The following CRYBG3 variants were observed in gnomAD, a reference collection of about 807,000 sequenced individuals.
The protein encoded by CRYBG3 is crystallin beta-gamma domain containing 3, also known as very large A-kinase anchor protein.
Under a neutral mutation model 244.2 loss-of-function variants are expected in CRYBG3, and 127 were observed. The ratio of observed to expected loss-of-function variants is 0.52; its 90% CI spans 0.45 to 0.60. The LOEUF (loss-of-function observed/expected upper bound fraction) is 0.60. CRYBG3 is among the 20% of genes least tolerant of loss of function. The pLI is 0.00. For synonymous variants in CRYBG3, 1,132 were observed against 1,195.8 expected (o/e 0.95, Z 1.10); for missense variants, 3,325 against 3,442.5 (o/e 0.97, Z 0.85).
chr3:97,828,597 CG>C (rs1202231499), intron 1 of CRYBG3, among the ~76,000 whole-genome samples: 1 of 150,188 alleles, frequency 6.7e-6, no homozygotes, highest in Non-Finnish European at 1.5e-5. Flanking sequence ...GAGGCCAAGG[CG>C]GGTGGATCAC....
intron 10 of CRYBG3, among the ~76,000 whole-genome samples, chr3:97,892,482 T>G (rs1393566868): frequency 6.6e-6 from 1 of 152,178 alleles, no homozygotes; most frequent in African/African-American, 2.4e-5. Context: ...CATAAACGTT[T>G]TGTAAATCAT....
chr3:97,896,001 T>C lies in CRYBG3; in HGVS notation c.7617T>C (p.Phe2539=). The change falls in exon 12 of 22, where the codon TTT becomes TTC. Residue 2539 remains phenylalanine, a synonymous_variant. Coordinates refer to ENST00000389622, the MANE Select transcript of CRYBG3 (RefSeq NM_153605.4). ...AAGAACATTTTAAAGGCCAGCAGTT[T>C]CTGCTTGAAGAAGGAGACTTTGAAG... The part of the protein sequence containing the change: ...YEKEHFKGQQ[F]LLEEGDFEDS... The C allele has an allele frequency of 6.2e-7, 1 of 1,613,700 alleles. No individual in the cohort carries two copies.
chr3:97,923,448 A>G (rs1453172480), intron 17 of CRYBG3, among the ~76,000 whole-genome samples: 1 of 152,150 alleles, frequency 6.6e-6, no homozygotes, highest in Non-Finnish European at 1.5e-5. Flanking sequence ...ATGCAGGCCA[A>G]CAAAAACTTA....
chr3:97,943,018 T>G (rs1559751981), intron 21 of CRYBG3: 2 of 537,774 alleles, frequency 3.7e-6, no homozygotes, highest in South Asian at 4.7e-5. Context: ...ATTATACCTT[T>G]TAGTATTTCA....
chr3:97,900,680 A>C (rs2039696906), intron 15 of CRYBG3, among the ~76,000 whole-genome samples, 195 bp downstream of exon 15: 1 of 152,176 alleles, frequency 6.6e-6, no homozygotes, highest in Non-Finnish European at 1.5e-5. Flanking sequence ...GGTTTGTCAC[A>C]CTTCCTTTTG....
intron 14 of CRYBG3, among the ~76,000 whole-genome samples, chr3:97,899,562 G>C (rs539993515): frequency 6.6e-6 from 1 of 152,274 alleles, no homozygotes; most frequent in East Asian, 1.9e-4. Context: ...TGTCCTGATG[G>C]TTCTGTCTCC....
chr3:97,856,369 T>C (rs915560090), intron 2 of CRYBG3, among the ~76,000 whole-genome samples: 1 of 152,112 alleles, frequency 6.6e-6, no homozygotes, highest in African/African-American at 2.4e-5. Context: ...GTTAATGCAA[T>C]TATCACATGA....
At chr3:97,848,458 C>A (rs929002987) in intron 2 of CRYBG3, among the ~76,000 whole-genome samples, 1 of 151,970 alleles carries the variant, frequency 6.6e-6, no homozygotes, top group Non-Finnish European at 1.5e-5. Context: ...CGTGCCACCA[C>A]TCTCGGCTAA....
chr3:97,891,206 G>A (rs1038121607), intron 10 of CRYBG3, among the ~76,000 whole-genome samples: 2 of 152,028 alleles, frequency 1.3e-5, no homozygotes, highest in African/African-American at 4.8e-5. Flanking sequence ...GTAAGTAGAA[G>A]GAAGGTCTAT....
At chr3:97,894,550 C>T (rs2039619039) in intron 11 of CRYBG3, among the ~76,000 whole-genome samples, 1 of 151,982 alleles carries the variant, frequency 6.6e-6, no homozygotes, top group South Asian at 2.1e-4. Context: ...TCAGATAATA[C>T]CTATCTTTAA....
intron 1 of CRYBG3, among the ~76,000 whole-genome samples, chr3:97,839,236 G>C (rs757759943): frequency 6.6e-6 from 1 of 151,986 alleles, no homozygotes; most frequent in Non-Finnish European, 1.5e-5. Flanking sequence ...GGTGAACATG[G>C]TTCTCTTTCC....
chr3:97,887,811 T>C (rs1260242343), intron 8 of CRYBG3, among the ~76,000 whole-genome samples: 1 of 152,064 alleles, frequency 6.6e-6, no homozygotes, highest in African/African-American at 2.4e-5. Context: ...GGCCAGTAAT[T>C]GGCTGTGTCC....
At chr3:97,892,643 G>A (rs1480777998) in intron 10 of CRYBG3, among the ~76,000 whole-genome samples, 1 of 152,014 alleles carries the variant, frequency 6.6e-6, no homozygotes, top group Non-Finnish European at 1.5e-5. Flanking sequence ...CTTTTCAGAT[G>A]TGTTATAACA....
chr3:97,912,975 A>T (rs1047539958), intron 16 of CRYBG3, among the ~76,000 whole-genome samples: 8 of 152,190 alleles, frequency 5.3e-5, no homozygotes, highest in Admixed American at 5.2e-4. Context: ...CTAATAACCT[A>T]TCAAAGTCTC....
intron 3 of CRYBG3, among the ~76,000 whole-genome samples, chr3:97,865,884 T>A (rs1418906169): frequency 1.3e-5 from 2 of 152,188 alleles, no homozygotes; most frequent in South Asian, 2.1e-4. Flanking sequence ...TAGATTAAAA[T>A]TTATTCCCAA....
chr3:97,921,751 C>T (rs1405092134), intron 17 of CRYBG3, among the ~76,000 whole-genome samples: 2 of 152,112 alleles, frequency 1.3e-5, no homozygotes, highest in Admixed American at 6.5e-5. Context: ...GTTGATTGAT[C>T]TAAGGTGGAG....
chr3:97,926,610 G>GA (rs879823749), intron 17 of CRYBG3, among the ~76,000 whole-genome samples: 6 of 151,594 alleles, frequency 4.0e-5, no homozygotes, highest in African/African-American at 7.3e-5. Flanking sequence ...CATCCAAATA[G>GA]AAAAAAAGGG....
intron 15 of CRYBG3, among the ~76,000 whole-genome samples, chr3:97,904,410 G>A (rs771973675): frequency 9.2e-5 from 14 of 152,092 alleles, no homozygotes; most frequent in South Asian, 4.1e-4. Flanking sequence ...TTATTTCTGC[G>A]TGTGTATATG....
chr3:97,880,547 G>T (rs533420116), intron 6 of CRYBG3, among the ~76,000 whole-genome samples: 1 of 152,188 alleles, frequency 6.6e-6, no homozygotes, highest in African/African-American at 2.4e-5. Flanking sequence ...AAAATGAGGG[G>T]CAACCCTATC....
Sources: gnomAD v4.1 joint callset for allele counts (sites outside exome capture counted in the v4.1 genomes callset) on GRCh38, gnomAD v4.1.1 for gene constraint, MANE v1.5 for transcripts, NCBI Gene and HGNC (gene_info 2026-07-23, HGNC 2026-07-21) for gene names.